Variants in CNOT10 observed in about 807,000 individuals in gnomAD.
CNOT10 encodes CCR4-NOT transcription complex subunit 10, also known as CCR4-NOT transcription complex, subunit 10.
In CNOT10, 30 loss-of-function variants were observed where a neutral mutation model predicts 94.6. The observed-to-expected ratio is 0.32, with a 90% CI of 0.24 to 0.43. CNOT10 has a LOEUF of 0.43. Ranked by LOEUF, CNOT10 falls within the 20% of genes least tolerant of loss-of-function variation. CNOT10 has a pLI of 1.00. For missense variants in CNOT10, 759 were observed against 877.2 expected, an observed-to-expected ratio of 0.87 and a Z score of 1.70; for synonymous variants, 289 against 301.6, an observed-to-expected ratio of 0.96 and a Z score of 0.43.
chr3:32,728,306 C>G (rs1360225720), intron 10 of CNOT10, among the ~76,000 whole-genome samples: 1 of 152,030 alleles, frequency 6.6e-6, no homozygotes, highest in Non-Finnish European at 1.5e-5. Flanking sequence ...TTCTTAACCA[C>G]TGGGGGAAAT....
chr3:32,726,001 A>T (rs1047161679), intron 9 of CNOT10, among the ~76,000 whole-genome samples: 1 of 151,952 alleles, frequency 6.6e-6, no homozygotes, highest in African/African-American at 2.4e-5. Context: ...CTGGAGTGCA[A>T]TGGTGTGATT....
chr3:32,766,740 A>G (rs1481896507), intron 17 of CNOT10, among the ~76,000 whole-genome samples: 1 of 152,044 alleles, frequency 6.6e-6, no homozygotes, highest in Non-Finnish European at 1.5e-5. Flanking sequence ...ACTAAAATAA[A>G]CCTCTGAATT....
chr3:32,692,287 G>A (rs1011077596), intron 1 of CNOT10, among the ~76,000 whole-genome samples: 1 of 152,068 alleles, frequency 6.6e-6, no homozygotes, highest in African/African-American at 2.4e-5. Flanking sequence ...GTAGGCACAG[G>A]GTCCCAATAT....
At chr3:32,727,926 G>T in intron 10 of CNOT10, 56 bp downstream of exon 10, 3 of 1,162,598 alleles carry the variant, frequency 2.6e-6, no homozygotes, top group Admixed American at 2.5e-5. Context: ...TTACTACATG[G>T]AATGGTTAAA....
intron 13 of CNOT10, among the ~76,000 whole-genome samples, chr3:32,740,755 G>A (rs980647137): frequency 6.6e-6 from 1 of 151,934 alleles, no homozygotes; most frequent in Non-Finnish European, 1.5e-5. Context: ...CCAGCTACGC[G>A]GGAGGCTGAG....
chr3:32,725,452 G>A lies in CNOT10; in HGVS notation c.865G>A (p.Glu289Lys), dbSNP rs1252690488. 6.2e-7 allele frequency: 1 copy of A among 1,612,150 alleles called. No individual in the cohort carries two copies. Among genetic ancestry groups the A allele is most frequent in the East Asian group, 2.2e-5 (1 of 44,868 alleles). Reference protein sequence around the residue: ...AEHPGFMKTGECLRCMFWNNL... With the variant: ...AEHPGFMKTGKCLRCMFWNNL... Reference sequence around the variant, plus strand: ...AAATTTATTTGCATTTTTTTCAGGTGAATGCTTGAGATGCATGTTCTGGAA... The same window carrying A: ...AAATTTATTTGCATTTTTTTCAGGTAAATGCTTGAGATGCATGTTCTGGAA... The change falls in exon 9 of 19, where the codon GAA (glutamate) becomes AAA (lysine). Residue 289 changes from glutamate to lysine, a missense_variant and splice_region_variant. Physicochemically the swap from Glu to Lys is moderately conservative, Grantham distance 56 (BLOSUM62 1). Coordinates refer to ENST00000328834, the MANE Select transcript of CNOT10 (RefSeq NM_015442.3).
Position 32,766,508 on chromosome 3 carries a change from C to T in CNOT10, c.2004+1699C>T, listed in dbSNP as rs1229433257. Among the ~76,000 whole-genome samples the T allele has an allele frequency of 4.3e-5, 2 of 47,042 alleles. 1 individual carries two copies. Among genetic ancestry groups the T allele is most frequent in the Non-Finnish European group, 9.4e-5 (2 of 21,390 alleles). The allele number at this position is 47,042 out of a possible 152,430, so 30.9% of individuals were successfully genotyped here. On this transcript the variant is annotated intron_variant, in intron 17 of 18. Transcript: ENST00000328834. ...ATTAGCCAGGCGTGGTGGCATGTGC[C>T]TGTAGTCCCAGCTACTCGGGCGGCT...
At chr3:32,732,641 A>G (rs900978405) in intron 10 of CNOT10, among the ~76,000 whole-genome samples, 31 of 151,652 alleles carry the variant, frequency 2.0e-4, no homozygotes, top group African/African-American at 6.5e-4. Context: ...GGGTCTCACT[A>G]TGTTGCCCAG....
intron 1 of CNOT10, 157 bp from the exon 2 acceptor site, chr3:32,703,711 T>A: frequency 1.7e-6 from 1 of 579,066 alleles, no homozygotes; most frequent in Non-Finnish European, 3.1e-6. Context: ...AGAACATTGC[T>A]GTTTAAAACT....
chr3:32,688,596 CA>C (rs200244468), intron 1 of CNOT10, among the ~76,000 whole-genome samples: 23 of 141,830 alleles, frequency 1.6e-4, no homozygotes, highest in South Asian at 4.4e-4. Flanking sequence ...GATTCCATCT[CA>C]AAAAAAAAAA....
At chr3:32,716,356 T>G (rs780786295) in intron 6 of CNOT10, 45 bp downstream of exon 6, 3 of 955,042 alleles carry the variant, frequency 3.1e-6, no homozygotes, top group Non-Finnish European at 4.9e-6. Context: ...ATATATTTAA[T>G]TGTAGTTATG....
intron 13 of CNOT10, chr3:32,753,063 G>T: frequency 2.0e-6 from 1 of 509,762 alleles, no homozygotes; most frequent in Non-Finnish European, 3.9e-6. Flanking sequence ...GTGTCAAAGA[G>T]CTTATTGTCA....
At chr3:32,697,400 G>T (rs1697125080) in intron 1 of CNOT10, among the ~76,000 whole-genome samples, 1 of 152,066 alleles carries the variant, frequency 6.6e-6, no homozygotes, top group South Asian at 2.1e-4. Context: ...CTTACAGTTG[G>T]TCCCAAAAGT....
chr3:32,732,577 C>T lies in CNOT10; in HGVS notation c.1216-846C>T, dbSNP rs1323269367. Among the ~76,000 whole-genome samples the T allele has an allele frequency of 2.0e-5, 3 of 151,222 alleles. No homozygotes were observed. The South Asian group carries it at 6.3e-4, about 32-fold the overall frequency. On this transcript the variant is annotated intron_variant, in intron 10 of 18. Coordinates refer to ENST00000328834, the MANE Select transcript of CNOT10 (RefSeq NM_015442.3). Reference sequence around the variant, plus strand: ...CTCCATCCTGGGCAACAGAGCCAGACCTTGTCTTAAAAAAGAAAAAAAAGA... The same window carrying T: ...CTCCATCCTGGGCAACAGAGCCAGATCTTGTCTTAAAAAAGAAAAAAAAGA...
At position 32,764,372 on chromosome 3, in the gene CNOT10, C is replaced by G. The variant is rs1053210420; in HGVS notation, c.1841-83C>G. The G allele has an allele frequency of 1.1e-5, 16 of 1,396,770 alleles. No individual in the cohort carries two copies. In the South Asian group the frequency reaches 1.4e-4, roughly 12 times the overall value. 86.5% of individuals were successfully genotyped at this position (1,396,770 alleles called of 1,614,324 possible). ...AAAAGAAAAGAAAAGAAAATATGCC[C>G]TCTACCTTCTGAGCCCGAGGAGAAA... is the stretch of plus-strand genomic sequence containing the variant. On this transcript the variant is annotated intron_variant, in intron 15 of 18. Transcript: ENST00000328834.
At chr3:32,768,497 C>T (rs1028617214) in intron 17 of CNOT10, among the ~76,000 whole-genome samples, 1 of 151,902 alleles carries the variant, frequency 6.6e-6, no homozygotes, top group Non-Finnish European at 1.5e-5. Context: ...GCAGAAGAAT[C>T]GCTTGAACCC....
chr3:32,710,836 C>G (rs1302626947), intron 4 of CNOT10, among the ~76,000 whole-genome samples: 2 of 152,120 alleles, frequency 1.3e-5, no homozygotes, highest in African/African-American at 4.8e-5. Flanking sequence ...TCCTCCCACC[C>G]CAGCCTCTTC....
At chr3:32,724,436 G>A (rs59961525) in intron 8 of CNOT10, among the ~76,000 whole-genome samples, 19,593 of 132,004 alleles carry the variant, frequency 0.15, 1,463 homozygotes, top group Middle Eastern at 0.21. Context: ...TTTTTGAGAC[G>A]GAGTCTTGCT....
intron 1 of CNOT10, among the ~76,000 whole-genome samples, chr3:32,687,454 T>TTTTTTTTG (rs1696665488): frequency 2.2e-5 from 1 of 45,950 alleles, no homozygotes; most frequent in African/African-American, 1.1e-4. Flanking sequence ...TTTTTTTTGT[T>TTTTTTTTG]TTTTTTTTTT....
Sources: gnomAD v4.1 joint callset for allele counts (sites outside exome capture counted in the v4.1 genomes callset) on GRCh38, gnomAD v4.1.1 for gene constraint, MANE v1.5 for transcripts, NCBI Gene and HGNC (gene_info 2026-07-23, HGNC 2026-07-21) for gene names.